The following FAM168A variants were observed in gnomAD, a reference collection of about 807,000 sequenced individuals.
The protein encoded by FAM168A is family with sequence similarity 168 member A.
In FAM168A, 3 loss-of-function variants were observed where a neutral mutation model predicts 28.5. The observed-to-expected ratio is 0.11, with a 90% CI of 0.05 to 0.27. FAM168A has a LOEUF of 0.27. Ranked by LOEUF, FAM168A falls within the 10% of genes least tolerant of loss-of-function variation. The probability of loss-of-function intolerance (pLI) is 1.00; values close to 1 mark genes in which losing one functional copy is unlikely to be tolerated. For synonymous variants in FAM168A, 122 were observed against 124.2 expected (o/e 0.98, Z 0.12); for missense variants, 222 against 311.5 (o/e 0.71, Z 2.16).
At chr11:73,479,838 T>C (rs760286501) in intron 1 of FAM168A, among the ~76,000 whole-genome samples, 4 of 152,204 alleles carry the variant, frequency 2.6e-5, no homozygotes, top group Non-Finnish European at 5.9e-5. Flanking sequence ...ACTAGATGAA[T>C]GAATGGATGG....
At chr11:73,543,443 T>C (rs1191162956) in intron 1 of FAM168A, among the ~76,000 whole-genome samples, 1 of 152,008 alleles carries the variant, frequency 6.6e-6, no homozygotes. Flanking sequence ...CTATTTTTAA[T>C]AGACACGGGG....
chr11:73,430,293 TGTGTGTGTGTCCCAAGGG>T (rs1398539720), intron 3 of FAM168A: 1 of 241,910 alleles, frequency 4.1e-6, no homozygotes, highest in Non-Finnish European at 8.2e-6. Flanking sequence ...TGTGTGTGTG[TGTGTGTGTGTCCCAAGGG>T]GTGTGTGGGT....
At chr11:73,587,184 T>C (rs1590754397) in intron 1 of FAM168A, among the ~76,000 whole-genome samples, 1 of 140,340 alleles carries the variant, frequency 7.1e-6, no homozygotes, top group East Asian at 2.0e-4. Flanking sequence ...AAAAACTAAG[T>C]TTCAGTTTCA....
At chr11:73,478,974 T>C (rs1026189658) in intron 1 of FAM168A, among the ~76,000 whole-genome samples, 2 of 152,140 alleles carry the variant, frequency 1.3e-5, no homozygotes, top group African/African-American at 4.8e-5. Flanking sequence ...TTCCCAACTT[T>C]CCCAGGAATA....
intron 1 of FAM168A, among the ~76,000 whole-genome samples, chr11:73,524,023 C>A (rs1943418753): frequency 6.6e-6 from 1 of 152,020 alleles, no homozygotes; most frequent in African/African-American, 2.4e-5. Flanking sequence ...CTGCCCCCGG[C>A]CCCTACTCTC....
intron 6 of FAM168A, 52 bp from the exon 7 acceptor site, chr11:73,407,695 G>T: frequency 7.0e-7 from 1 of 1,430,842 alleles, no homozygotes; most frequent in Admixed American, 1.8e-5. Context: ...CCAGACACAG[G>T]AATGAAGAGG....
chr11:73,429,696 C>A (rs1332746942), intron 3 of FAM168A, among the ~76,000 whole-genome samples: 1 of 152,186 alleles, frequency 6.6e-6, no homozygotes, highest in Non-Finnish European at 1.5e-5. Context: ...ACACTTTCAC[C>A]CCCAGGCAGA....
intron 1 of FAM168A, among the ~76,000 whole-genome samples, chr11:73,553,790 T>C (rs1212453416): frequency 6.6e-6 from 1 of 150,628 alleles, no homozygotes; most frequent in Non-Finnish European, 1.5e-5. Context: ...AAGACCAGCC[T>C]GGGCAACATG....
chr11:73,582,092 G>A (rs910738678), intron 1 of FAM168A, among the ~76,000 whole-genome samples: 3 of 152,060 alleles, frequency 2.0e-5, no homozygotes, highest in Non-Finnish European at 4.4e-5. Context: ...ACTCATCTCC[G>A]TGTATCATCA....
intron 1 of FAM168A, among the ~76,000 whole-genome samples, chr11:73,577,523 C>T (rs1022715570): frequency 6.6e-6 from 1 of 152,206 alleles, no homozygotes; most frequent in African/African-American, 2.4e-5. Context: ...AAAGTTCTGA[C>T]ACTGTGAGGC....
intron 2 of FAM168A, 137 bp downstream of exon 2, chr11:73,468,268 G>T: frequency 1.6e-6 from 1 of 643,276 alleles, no homozygotes; most frequent in Non-Finnish European, 2.6e-6. Flanking sequence ...CTTTCCGCTG[G>T]ACCTCAGACA....
At chr11:73,409,858 C>T (rs1293748075) in intron 5 of FAM168A, among the ~76,000 whole-genome samples, 197 bp from the exon 6 acceptor site, 1 of 152,200 alleles carries the variant, frequency 6.6e-6, no homozygotes. Flanking sequence ...CTGCCTTGCT[C>T]ATAAGGCTGC....
At chr11:73,434,431 T>C (rs927531067) in intron 2 of FAM168A, among the ~76,000 whole-genome samples, 9 of 152,194 alleles carry the variant, frequency 5.9e-5, no homozygotes, top group Middle Eastern at 3.4e-3. Context: ...GTAAGACATA[T>C]TGAGAAGGTA....
At chr11:73,593,514 G>A (rs1416999470) in intron 1 of FAM168A, among the ~76,000 whole-genome samples, 1 of 152,118 alleles carries the variant, frequency 6.6e-6, no homozygotes, top group East Asian at 1.9e-4. Context: ...GCTAACATCT[G>A]TTTAGGACTT....
chr11:73,582,250 C>T (rs975101583), intron 1 of FAM168A, among the ~76,000 whole-genome samples: 4 of 151,100 alleles, frequency 2.6e-5, no homozygotes, highest in Admixed American at 1.3e-4. Context: ...GGCCGGGCAC[C>T]GTGACTCATG....
At chr11:73,474,105 C>T (rs546969290) in intron 1 of FAM168A, among the ~76,000 whole-genome samples, 15 of 152,078 alleles carry the variant, frequency 9.9e-5, no homozygotes, top group South Asian at 2.1e-4. Context: ...CCACCGTGCC[C>T]GGCTTACTCT....
At chr11:73,509,517 G>C (rs1440080419) in intron 1 of FAM168A, among the ~76,000 whole-genome samples, 1 of 152,136 alleles carries the variant, frequency 6.6e-6, no homozygotes, top group African/African-American at 2.4e-5. Flanking sequence ...AATAGTCAAA[G>C]CACCACATAT....
chr11:73,534,407 A>T lies in FAM168A; in HGVS notation c.-19+63516T>A, dbSNP rs976694485. On this transcript the variant is annotated intron_variant, in intron 1 of 7. Coordinates refer to ENST00000356467, the MANE Select transcript of FAM168A (RefSeq NM_015159.3). Reference sequence around the variant, plus strand: ...TTTCATTTTTTATTTTTATTTATTTATTTTTTTTTTTTTGAGACGGAGTCT... The same window carrying T: ...TTTCATTTTTTATTTTTATTTATTTTTTTTTTTTTTTTTGAGACGGAGTCT... Among the ~76,000 whole-genome samples the T allele has an allele frequency of 1.8e-3, 265 of 144,608 alleles. 2 individuals are homozygous for T. The highest frequency in any genetic ancestry group is 0.011 in the South Asian group (52 of 4,602). 94.9% of individuals were successfully genotyped at this position (144,608 alleles called of 152,430 possible).
chr11:73,575,350 TATA>T (rs1431949548), intron 1 of FAM168A, among the ~76,000 whole-genome samples: 3 of 152,200 alleles, frequency 2.0e-5, no homozygotes, highest in Non-Finnish European at 4.4e-5. Flanking sequence ...TTAATTCACA[TATA>T]ATATTATTTT....
Sources: allele counts gnomAD v4.1 joint callset (sites outside exome capture counted in the v4.1 genomes callset), GRCh38; gene constraint gnomAD v4.1.1; transcripts MANE v1.5; gene names NCBI Gene and HGNC (gene_info 2026-07-23, HGNC 2026-07-21).